Variants in LRRC4C observed in about 807,000 individuals in gnomAD.
LRRC4C encodes the protein leucine rich repeat containing 4C, also known as leucine-rich repeat-containing protein 4C.
A neutral mutation model predicts 33.6 loss-of-function variants in LRRC4C; 5 were observed. The ratio of observed to expected loss-of-function variants is 0.15; its 90% CI spans 0.08 to 0.31. The LOEUF is 0.31. Among genes scored for constraint, LRRC4C ranks in the 10% least tolerant of loss-of-function variants. The pLI is 1.00. For synonymous variants in LRRC4C, 329 were observed against 302.0 expected (o/e 1.09, Z -0.93); for missense variants, 560 against 796.7 (o/e 0.70, Z 3.58).
chr11:41,002,235 C>A (rs146194290), intron 1 of LRRC4C, among the ~76,000 whole-genome samples: 2 of 152,236 alleles, frequency 1.3e-5, no homozygotes, highest in African/African-American at 4.8e-5. Flanking sequence ...TGTAAGCAAT[C>A]CATAAACTTA....
intron 1 of LRRC4C, among the ~76,000 whole-genome samples, chr11:41,003,655 C>T (rs1031002148): frequency 1.3e-5 from 2 of 151,480 alleles, no homozygotes; most frequent in East Asian, 3.9e-4. Flanking sequence ...AATATTTATA[C>T]ATTTTTAGGT....
At chr11:41,407,231 G>A (rs1954276535) in intron 1 of LRRC4C, among the ~76,000 whole-genome samples, 1 of 151,754 alleles carries the variant, frequency 6.6e-6, no homozygotes, top group Non-Finnish European at 1.5e-5. Flanking sequence ...TTGTTTTAAA[G>A]GTCACTCTGC....
At chr11:41,074,598 A>G (rs1301108357) in intron 1 of LRRC4C, among the ~76,000 whole-genome samples, 1 of 152,218 alleles carries the variant, frequency 6.6e-6, no homozygotes, top group Non-Finnish European at 1.5e-5. Flanking sequence ...CTTTGAGCTC[A>G]AAAGGCTTGA....
At chr11:40,406,541 CA>C (rs1228331378) in intron 3 of LRRC4C, among the ~76,000 whole-genome samples, 1 of 151,920 alleles carries the variant, frequency 6.6e-6, no homozygotes, top group Non-Finnish European at 1.5e-5. Context: ...ATTAATGCAA[CA>C]ACATAGAAAA....
intron 2 of LRRC4C, among the ~76,000 whole-genome samples, chr11:40,740,727 CTT>C (rs1172517074): frequency 6.6e-6 from 1 of 151,982 alleles, no homozygotes; most frequent in Non-Finnish European, 1.5e-5. Flanking sequence ...GTAATGAAGA[CTT>C]TTCCCTATGT....
At chr11:41,104,843 C>T (rs2135648802) in intron 1 of LRRC4C, among the ~76,000 whole-genome samples, 1 of 151,962 alleles carries the variant, frequency 6.6e-6, no homozygotes, top group East Asian at 1.9e-4. Flanking sequence ...GTAAAAAGGT[C>T]ATAAATTATA....
chr11:41,389,684 T>C (rs1037516794), intron 1 of LRRC4C, among the ~76,000 whole-genome samples: 1 of 142,942 alleles, frequency 7.0e-6, no homozygotes, highest in Non-Finnish European at 1.5e-5. Flanking sequence ...AAAGAGGTGC[T>C]TCTACTTGCA....
At chr11:41,116,819 T>C (rs1942156891) in intron 1 of LRRC4C, among the ~76,000 whole-genome samples, 1 of 152,154 alleles carries the variant, frequency 6.6e-6, no homozygotes, top group Non-Finnish European at 1.5e-5. Flanking sequence ...TAACAAAAGC[T>C]ATAAGTACAA....
intron 1 of LRRC4C, among the ~76,000 whole-genome samples, chr11:41,361,393 ATAGT>A (rs1486024754): frequency 6.6e-6 from 1 of 152,204 alleles, no homozygotes; most frequent in African/African-American, 2.4e-5. Flanking sequence ...ATAAGCTTCT[ATAGT>A]TAGTCTTGAT....
At chr11:41,090,128 T>C (rs1182648492) in intron 1 of LRRC4C, among the ~76,000 whole-genome samples, 1 of 152,116 alleles carries the variant, frequency 6.6e-6, no homozygotes, top group Non-Finnish European at 1.5e-5. Flanking sequence ...AAAGCCTGAT[T>C]GACTTTGGAA....
intron 3 of LRRC4C, among the ~76,000 whole-genome samples, chr11:40,396,136 G>C (rs1036334324): frequency 6.6e-6 from 1 of 152,080 alleles, no homozygotes; most frequent in Non-Finnish European, 1.5e-5. Flanking sequence ...GGGTGGTCCT[G>C]AATCACATTA....
intron 3 of LRRC4C, among the ~76,000 whole-genome samples, chr11:40,541,429 C>T (rs1188722296): frequency 2.0e-5 from 3 of 152,036 alleles, no homozygotes; most frequent in Non-Finnish European, 1.5e-5. Context: ...TGGTTCTTTT[C>T]ATAAAAGATG....
chr11:41,357,019 G>A (rs1239920346), intron 1 of LRRC4C, among the ~76,000 whole-genome samples: 1 of 151,930 alleles, frequency 6.6e-6, no homozygotes, highest in East Asian at 1.9e-4. Context: ...GAATTCAAGT[G>A]ATTTGTTTAC....
At chr11:40,749,792 G>A (rs920512055) in intron 2 of LRRC4C, among the ~76,000 whole-genome samples, 2 of 152,060 alleles carry the variant, frequency 1.3e-5, no homozygotes, top group African/African-American at 4.8e-5. Context: ...CACAACTGAT[G>A]TCAAGGAGAC....
At chr11:40,494,693 T>C (rs921847990) in intron 3 of LRRC4C, among the ~76,000 whole-genome samples, 4 of 152,156 alleles carry the variant, frequency 2.6e-5, no homozygotes, top group African/African-American at 4.8e-5. Context: ...ATTTATGATA[T>C]GTGAAATAAG....
chr11:40,447,508 A>C (rs1049447190), intron 3 of LRRC4C, among the ~76,000 whole-genome samples: 1 of 152,202 alleles, frequency 6.6e-6, no homozygotes, highest in African/African-American at 2.4e-5. Context: ...TGGCTCTCTC[A>C]ACAATCCAGG....
At chr11:40,973,497 C>A (rs1263180505) in intron 1 of LRRC4C, among the ~76,000 whole-genome samples, 2 of 152,010 alleles carry the variant, frequency 1.3e-5, no homozygotes, top group Admixed American at 1.3e-4. Context: ...GCTCTGGAGC[C>A]CACAGAAAGT....
chr11:41,151,633 G>A (rs972548498), intron 1 of LRRC4C, among the ~76,000 whole-genome samples: 11 of 152,174 alleles, frequency 7.2e-5, no homozygotes, highest in African/African-American at 2.7e-4. Flanking sequence ...GACATGAAGT[G>A]AAGAAACTGC....
At chr11:40,344,010 A>T (rs1329212954) in intron 3 of LRRC4C, among the ~76,000 whole-genome samples, 1 of 152,116 alleles carries the variant, frequency 6.6e-6, no homozygotes, top group Non-Finnish European at 1.5e-5. Context: ...AGTAATAAAA[A>T]GCCTGCAAAC....
Sources: gnomAD v4.1 joint callset for allele counts (sites outside exome capture counted in the v4.1 genomes callset) on GRCh38, gnomAD v4.1.1 for gene constraint, MANE v1.5 for transcripts, NCBI Gene and HGNC (gene_info 2026-07-23, HGNC 2026-07-21) for gene names.